Variants in PPP4R2 observed in about 807,000 individuals in gnomAD.
PPP4R2 encodes the protein protein phosphatase 4 regulatory subunit 2.
Under a neutral mutation model 47.2 loss-of-function variants are expected in PPP4R2, and 13 were observed. The observed-to-expected ratio is 0.28, with a 90% CI of 0.18 to 0.44. The LOEUF (loss-of-function observed/expected upper bound fraction) is 0.44, where lower values mean the gene tolerates loss of function less well. Among genes scored for constraint, PPP4R2 ranks in the 20% least tolerant of loss-of-function variants. The probability of loss-of-function intolerance (pLI) is 1.00; values close to 1 mark genes in which losing one functional copy is unlikely to be tolerated. For missense variants in PPP4R2, 421 were observed against 491.2 expected (o/e 0.86, Z 1.35); for synonymous variants, 151 against 163.3 (o/e 0.92, Z 0.57).
intron 2 of PPP4R2, among the ~76,000 whole-genome samples, chr3:73,021,364 G>T (rs1442998835): frequency 6.6e-6 from 1 of 151,744 alleles, no homozygotes; most frequent in Non-Finnish European, 1.5e-5. Flanking sequence ...CTCCTGAGTA[G>T]CTGGGACTAC....
chr3:73,063,214 C>T (rs1198345402), intron 5 of PPP4R2: 2 of 369,358 alleles, frequency 5.4e-6, no homozygotes, highest in African/African-American at 4.4e-5. Flanking sequence ...AACCATCACA[C>T]TCCCTTTGCT....
At chr3:73,037,832 A>C (rs565895588) in intron 2 of PPP4R2, among the ~76,000 whole-genome samples, 4 of 152,162 alleles carry the variant, frequency 2.6e-5, no homozygotes, top group Non-Finnish European at 5.9e-5. Flanking sequence ...TCGGCAATTA[A>C]GTGTTTATGA....
intron 2 of PPP4R2, among the ~76,000 whole-genome samples, chr3:73,044,949 T>A (rs1206493625): frequency 6.6e-6 from 1 of 152,222 alleles, no homozygotes; most frequent in Non-Finnish European, 1.5e-5. Context: ...AATTTTAAAT[T>A]TTGATGTAAT....
rs1411244536 is a variant in PPP4R2, at chr3:73,065,884, CTG to C, written c.*165_*166del. The stretch of plus-strand genomic sequence containing the variant: ...CCTGAAAGAGTTGTACATGTAAGAA[CTG>C]TGAATATCAGCTCCTCTGGGTCCTG... On this transcript the variant is annotated 3_prime_UTR_variant, in exon 9 of 9. Transcript: ENST00000356692. 1.7e-5 allele frequency: 8 copies of C among 475,024 alleles called. No homozygotes were observed. The highest frequency in any genetic ancestry group is 3.2e-5 in the East Asian group (1 of 31,362). 29.4% of individuals were successfully genotyped at this position (475,024 alleles called of 1,614,324 possible). A position where few individuals can be genotyped will look rare whatever the true frequency, so the allele number is the denominator to read the frequency against.
rs565441462 is a variant in PPP4R2 at position 72,999,841 on chromosome 3, G to A, written c.116+1683G>A. On this transcript the variant is annotated intron_variant, in intron 2 of 8. Transcript: ENST00000356692. ...TGTAGTTAGATTCTTATATTCAATG[G>A]AATTTGGAAAATATTTTTTATTTTA... 7.2e-5 allele frequency among the ~76,000 whole-genome samples: 11 copies of A among 152,240 alleles called. No homozygotes were observed. In the South Asian group the frequency reaches 2.1e-3, roughly 29 times the overall value.
In PPP4R2 at chr3:73,030,991, C is replaced by T. The variant is rs1026272766; in HGVS notation, c.117-16195C>T. 5.9e-5 allele frequency among the ~76,000 whole-genome samples: 9 copies of T among 152,058 alleles called. No individual in the cohort carries two copies. The South Asian group carries it at 6.2e-4, about 11-fold the overall frequency. On this transcript the variant is annotated intron_variant, in intron 2 of 8. Coordinates refer to ENST00000356692, the MANE Select transcript of PPP4R2 (RefSeq NM_174907.4). ...TGCTGGGGTTACATGTGTGAGCCACCGCACTGGGCCAGATTATAATTTTTA... is the reference window on the plus strand; with the variant it reads ...TGCTGGGGTTACATGTGTGAGCCACTGCACTGGGCCAGATTATAATTTTTA...
chr3:73,003,447 A>G (rs1701527492), intron 2 of PPP4R2, among the ~76,000 whole-genome samples: 1 of 152,014 alleles, frequency 6.6e-6, no homozygotes, highest in South Asian at 2.1e-4. Context: ...TCCTGGCCTC[A>G]AGTGATCCTC....
intron 2 of PPP4R2, among the ~76,000 whole-genome samples, chr3:73,040,877 T>C (rs1702365016): frequency 6.6e-6 from 1 of 152,152 alleles, no homozygotes; most frequent in African/African-American, 2.4e-5. Flanking sequence ...GTTAAAAATC[T>C]TGCCCTCAAA....
chr3:73,047,668 A>G (rs1702512143), intron 3 of PPP4R2, among the ~76,000 whole-genome samples: 1 of 152,148 alleles, frequency 6.6e-6, no homozygotes, highest in Admixed American at 6.5e-5. Flanking sequence ...CCTTTATATC[A>G]TTGAGAAATC....
intron 2 of PPP4R2, among the ~76,000 whole-genome samples, chr3:73,002,705 G>A (rs1191254795): frequency 7.1e-6 from 1 of 141,424 alleles, no homozygotes; most frequent in Non-Finnish European, 1.5e-5. Flanking sequence ...GCAGTGGCGC[G>A]ATCTCGGCTC....
chr3:73,033,764 G>A lies in PPP4R2; in HGVS notation c.117-13422G>A, dbSNP rs1223271368. Reference sequence around the variant, plus strand: ...GATGGATTTTAGGTACCTCACTTAAGTGACATTATAAAATATTTCGTGTCT... The same window carrying A: ...GATGGATTTTAGGTACCTCACTTAAATGACATTATAAAATATTTCGTGTCT... On this transcript the variant is annotated intron_variant, in intron 2 of 8. Coordinates refer to ENST00000356692, the MANE Select transcript of PPP4R2 (RefSeq NM_174907.4). Among the ~76,000 whole-genome samples the A allele has an allele frequency of 2.6e-5, 4 of 152,118 alleles. No individual in the cohort carries two copies. The East Asian group carries it at 5.8e-4, about 22-fold the overall frequency.
intron 5 of PPP4R2, chr3:73,061,324 G>A: frequency 4.9e-6 from 1 of 202,232 alleles, no homozygotes; most frequent in South Asian, 1.7e-4. Flanking sequence ...TACTGTGGTG[G>A]CACTCATTGC....
intron 3 of PPP4R2, among the ~76,000 whole-genome samples, chr3:73,058,605 A>G (rs969317545): frequency 3.9e-5 from 6 of 152,068 alleles, no homozygotes; most frequent in African/African-American, 1.2e-4. Context: ...CATTATAATC[A>G]CATCAGGGTA....
intron 2 of PPP4R2, among the ~76,000 whole-genome samples, chr3:72,999,778 A>C (rs1701421971): frequency 6.6e-6 from 1 of 152,190 alleles, no homozygotes; most frequent in African/African-American, 2.4e-5. Flanking sequence ...TTCGGTGTTT[A>C]TGTATTCACT....
intron 2 of PPP4R2, among the ~76,000 whole-genome samples, chr3:73,021,530 C>T (rs1701959342): frequency 6.6e-6 from 1 of 152,002 alleles, no homozygotes; most frequent in Non-Finnish European, 1.5e-5. Flanking sequence ...GCCATCACGC[C>T]CAGCCTGGAA....
At chr3:73,055,914 T>C (rs756803054) in intron 3 of PPP4R2, among the ~76,000 whole-genome samples, 15 of 152,248 alleles carry the variant, frequency 9.9e-5, no homozygotes, top group Admixed American at 2.6e-4. Context: ...CCCAGGGTTT[T>C]TTATTTTACA....
chr3:73,043,897 T>C (rs1304840594), intron 2 of PPP4R2, among the ~76,000 whole-genome samples: 1 of 152,248 alleles, frequency 6.6e-6, no homozygotes, highest in Non-Finnish European at 1.5e-5. Context: ...ATTGTACACA[T>C]TAAAGAATAA....
At chr3:73,014,417 C>CT (rs756852765) in intron 2 of PPP4R2, among the ~76,000 whole-genome samples, 1 of 152,116 alleles carries the variant, frequency 6.6e-6, no homozygotes, top group Non-Finnish European at 1.5e-5. Flanking sequence ...TCCCCAGTAG[C>CT]TAGGACTACA....
At chr3:73,001,810 G>T (rs1304132263) in intron 2 of PPP4R2, among the ~76,000 whole-genome samples, 1 of 151,852 alleles carries the variant, frequency 6.6e-6, no homozygotes, top group East Asian at 1.9e-4. Flanking sequence ...TGTGTTTTTA[G>T]TAGAGACAGG....
Sources: allele counts gnomAD v4.1 joint callset (sites outside exome capture counted in the v4.1 genomes callset), GRCh38; gene constraint gnomAD v4.1.1; transcripts MANE v1.5; gene names NCBI Gene and HGNC (gene_info 2026-07-23, HGNC 2026-07-21).